UBAP2: variants seen among roughly 807,000 people sequenced by gnomAD.
UBAP2 encodes the protein ubiquitin associated protein 2, also known as ubiquitin-associated protein 2.
In UBAP2, 75 loss-of-function variants were observed where a neutral mutation model predicts 139.6. That is an observed-to-expected ratio of 0.54 (90% confidence interval 0.45 to 0.65). The LOEUF (loss-of-function observed/expected upper bound fraction) is 0.65. UBAP2 is among the 30% of genes least tolerant of loss of function. The probability of loss-of-function intolerance (pLI) is 0.00; values close to 1 mark genes in which losing one functional copy is unlikely to be tolerated. For missense variants in UBAP2, 1,368 were observed against 1,369.6 expected (o/e 1.00, Z 0.02); for synonymous variants, 526 against 526.2 (o/e 1.00, Z 0.01).
chr9:33,957,135 T>C (rs1194464758), intron 10 of UBAP2, among the ~76,000 whole-genome samples: 2 of 151,920 alleles, frequency 1.3e-5, no homozygotes, highest in Non-Finnish European at 2.9e-5. Flanking sequence ...AAAGGTGAAA[T>C]AATCGATGTT....
intron 1 of UBAP2, among the ~76,000 whole-genome samples, chr9:34,036,551 T>C (rs1253522077): frequency 1.3e-5 from 2 of 152,178 alleles, no homozygotes; most frequent in African/African-American, 4.8e-5. Context: ...CCTGGAATCC[T>C]ATACACACAT....
intron 1 of UBAP2, among the ~76,000 whole-genome samples, chr9:34,023,991 C>A: frequency 6.6e-6 from 1 of 151,736 alleles, no homozygotes; most frequent in East Asian, 1.9e-4. Context: ...CTGCAGGGAG[C>A]CGAGATGGCG....
intron 1 of UBAP2, among the ~76,000 whole-genome samples, chr9:34,048,035 G>A (rs1208366293): frequency 6.6e-6 from 1 of 152,176 alleles, no homozygotes. Flanking sequence ...TTAGAGACCA[G>A]AGTGGTGACA....
chr9:34,015,570 G>A (rs1824178286), intron 2 of UBAP2, among the ~76,000 whole-genome samples: 2 of 151,792 alleles, frequency 1.3e-5, no homozygotes, highest in Non-Finnish European at 2.9e-5. Context: ...CAGGTGATCT[G>A]TCCACCTCGG....
At chr9:34,032,574 C>T (rs1271048104) in intron 1 of UBAP2, among the ~76,000 whole-genome samples, 1 of 152,102 alleles carries the variant, frequency 6.6e-6, no homozygotes, top group Non-Finnish European at 1.5e-5. Flanking sequence ...TTCAATAAAA[C>T]AATTTTTCTT....
intron 11 of UBAP2, among the ~76,000 whole-genome samples, chr9:33,955,376 G>A (rs1443457441): frequency 1.1e-4 from 16 of 151,988 alleles, no homozygotes; most frequent in Admixed American, 2.0e-4. Context: ...AAAATTAGCC[G>A]GGCGTGGTGG....
At chr9:34,025,430 A>G (rs1825322602) in intron 1 of UBAP2, among the ~76,000 whole-genome samples, 1 of 152,194 alleles carries the variant, frequency 6.6e-6, no homozygotes, top group Non-Finnish European at 1.5e-5. Context: ...GGCAGGAAGC[A>G]CCAGGCTTAC....
Position 33,922,274 on chromosome 9 carries a change from C to A in UBAP2, c.*230G>T. 1 of 538,844 alleles carries A rather than the reference C, an allele frequency of 1.9e-6. No individual in the cohort carries two copies. The highest frequency in any genetic ancestry group is 3.3e-6 in the Non-Finnish European group (1 of 300,466). 33.4% of individuals were successfully genotyped at this position (538,844 alleles called of 1,614,324 possible). Reference sequence around the variant, plus strand: ...GCTTGAATGGGGAGGGCAGACCTGGCTAACATCTGCCGCCATCCCCCAACT... The same window carrying A: ...GCTTGAATGGGGAGGGCAGACCTGGATAACATCTGCCGCCATCCCCCAACT... On this transcript the variant is annotated 3_prime_UTR_variant, in exon 29 of 29. Transcript: ENST00000379238.
At chr9:33,991,449 G>A (rs1200197430) in intron 4 of UBAP2, among the ~76,000 whole-genome samples, 1 of 152,176 alleles carries the variant, frequency 6.6e-6, no homozygotes, top group Non-Finnish European at 1.5e-5. Flanking sequence ...GGAGCAGTAT[G>A]TAGCCATTTT....
At chr9:33,952,997 G>C (rs1190181953) in intron 12 of UBAP2, 1 of 199,604 alleles carries the variant, frequency 5.0e-6, no homozygotes, top group African/African-American at 2.3e-5. Flanking sequence ...AGCCTCCCAA[G>C]TAACTGAGAC....
At chr9:34,020,471 C>A (rs1395300761) in intron 1 of UBAP2, among the ~76,000 whole-genome samples, 1 of 151,896 alleles carries the variant, frequency 6.6e-6, no homozygotes, top group African/African-American at 2.4e-5. Context: ...ACCAGAGGCA[C>A]GCGCCACCAT....
Position 33,981,109 on chromosome 9 carries a change from TA to T in UBAP2, c.520+5650del, listed in dbSNP as rs1460318396. Among the ~76,000 whole-genome samples the T allele has an allele frequency of 2.7e-3, 4 of 1,474 alleles. 1 individual carries two copies. Among genetic ancestry groups the T allele is most frequent in the South Asian group, 0.019 (1 of 54 alleles). The allele number at this position is 1,474 out of a possible 152,430, so 1.0% of individuals were successfully genotyped here. Reference sequence around the variant, plus strand: ...TATATATATATATATTCTGGATATATATATATATATATATATATATATATAT... The same window carrying T: ...TATATATATATATATTCTGGATATATTATATATATATATATATATATATAT... On this transcript the variant is annotated intron_variant, in intron 6 of 28. Transcript: ENST00000379238.
rs779320093 is a variant in UBAP2 at position 33,963,800 on chromosome 9, C to G, written c.680-9G>C. ...AGTATTTGATGCCAGTTCTGTGGAC[C>G]AATGTAAAATTGAGGGTTTAAACAT... On this transcript the variant is annotated splice_polypyrimidine_tract_variant and intron_variant, in intron 8 of 28. Coordinates refer to ENST00000379238, the MANE Select transcript of UBAP2 (RefSeq NM_001370062.2). 6.2e-7 allele frequency: 1 copy of G among 1,606,482 alleles called. No homozygotes were observed. Among genetic ancestry groups the G allele is most frequent in the South Asian group, 1.1e-5 (1 of 90,802 alleles).
chr9:34,004,553 C>T (rs968716731), intron 2 of UBAP2, among the ~76,000 whole-genome samples: 7 of 151,848 alleles, frequency 4.6e-5, no homozygotes, highest in African/African-American at 1.7e-4. Context: ...GAGGCCAAGG[C>T]GGGTGGATCA....
At chr9:33,988,316 A>G (rs1169391687) in intron 5 of UBAP2, among the ~76,000 whole-genome samples, 4 of 152,248 alleles carry the variant, frequency 2.6e-5, no homozygotes, top group African/African-American at 9.6e-5. Context: ...TATATGAGAC[A>G]GCAAGAGTCT....
chr9:34,038,427 C>T (rs1826664597), intron 1 of UBAP2, among the ~76,000 whole-genome samples: 1 of 152,214 alleles, frequency 6.6e-6, no homozygotes, highest in East Asian at 1.9e-4. Flanking sequence ...CGATTGCAGG[C>T]GCGCGCCGCC....
At chr9:33,948,327 T>C (rs145617836) in intron 13 of UBAP2, 47 bp downstream of exon 13, 119 of 1,497,162 alleles carry the variant, frequency 7.9e-5, no homozygotes, top group Non-Finnish European at 1.0e-4. Context: ...CTGCCAAAGC[T>C]TGAAACGTCC....
At chr9:33,969,505 C>T (rs923565332) in intron 8 of UBAP2, among the ~76,000 whole-genome samples, 1 of 151,256 alleles carries the variant, frequency 6.6e-6, no homozygotes, top group African/African-American at 2.4e-5. Flanking sequence ...GCTATGATCA[C>T]ACTACTGCAC....
intron 10 of UBAP2, among the ~76,000 whole-genome samples, chr9:33,956,469 C>G (rs1399626319): frequency 6.6e-6 from 1 of 151,930 alleles, no homozygotes; most frequent in East Asian, 1.9e-4. Context: ...CAGGCACGCA[C>G]CAGCATGCGC....
Sources: allele counts gnomAD v4.1 joint callset (sites outside exome capture counted in the v4.1 genomes callset), GRCh38; gene constraint gnomAD v4.1.1; transcripts MANE v1.5; gene names NCBI Gene and HGNC (gene_info 2026-07-23, HGNC 2026-07-21).